The following TESC variants were observed in gnomAD, a reference collection of about 807,000 sequenced individuals.
TESC encodes the protein tescalcin.
TESC carries 19 observed loss-of-function variants against 31.0 expected under a neutral mutation model. That is an observed-to-expected ratio of 0.61 (90% CI 0.43 to 0.90). TESC has a LOEUF of 0.90. Among genes scored for constraint, TESC ranks in the 40% least tolerant of loss-of-function variants. The probability of loss-of-function intolerance (pLI) is 0.00; values close to 1 mark genes in which losing one functional copy is unlikely to be tolerated. For missense variants in TESC, 248 were observed against 303.8 expected, an observed-to-expected ratio of 0.82 and a Z score of 1.36; for synonymous variants, 109 against 114.8, an observed-to-expected ratio of 0.95 and a Z score of 0.32.
intron 1 of TESC, among the ~76,000 whole-genome samples, chr12:117,097,778 T>G (rs1330800175): frequency 1.3e-5 from 2 of 152,152 alleles, no homozygotes; most frequent in African/African-American, 4.8e-5. Flanking sequence ...CATTCGTACT[T>G]TCTGGTGGAT....
chr12:117,069,931 A>G (rs1954941829), intron 2 of TESC, among the ~76,000 whole-genome samples: 1 of 152,170 alleles, frequency 6.6e-6, no homozygotes, highest in African/African-American at 2.4e-5. Flanking sequence ...GGATCCTCAT[A>G]AGCACGTGGG....
chr12:117,049,171 C>T lies in TESC; in HGVS notation c.210-13G>A, dbSNP rs1399069512. ...CTTGCGCAGGTTCCTACGGGAGCAA[C>T]AAGGAGGGTGTTGGAAATAAATGAA... On this transcript the variant is annotated splice_polypyrimidine_tract_variant and intron_variant, in intron 3 of 7. Coordinates refer to ENST00000335209, the MANE Select transcript of TESC (RefSeq NM_017899.4). 3.7e-6 allele frequency: 6 copies of T among 1,614,038 alleles called. No homozygotes were observed. In the Admixed American group the frequency reaches 6.7e-5, roughly 18 times the overall value.
chr12:117,063,066 T>A lies in TESC; in HGVS notation c.129-6180A>T, dbSNP rs141216493. Reference sequence around the variant, plus strand: ...CCCCTGGAGTCATGAAGGGCTCGCGTGACATCAAGCTGTGCTAAGCACTGC... The same window carrying A: ...CCCCTGGAGTCATGAAGGGCTCGCGAGACATCAAGCTGTGCTAAGCACTGC... On this transcript the variant is annotated intron_variant, in intron 2 of 7. Coordinates refer to ENST00000335209, the MANE Select transcript of TESC (RefSeq NM_017899.4). Among the ~76,000 whole-genome samples, 221 of 152,294 alleles carry A rather than the reference T, an allele frequency of 1.5e-3. 2 individuals carry two copies. Among genetic ancestry groups the A allele is most frequent in the African/African-American group, 5.2e-3 (216 of 41,566 alleles).
chr12:117,076,679 A>G lies in TESC; in HGVS notation c.59-1339T>C, dbSNP rs1395715865. Reference sequence around the variant, plus strand: ...GGCTGGTCTTGAACTCCTGACCTTGAGTGATCCGCCCACCGCAGCCTCCCA... The same window carrying G: ...GGCTGGTCTTGAACTCCTGACCTTGGGTGATCCGCCCACCGCAGCCTCCCA... On this transcript the variant is annotated intron_variant, in intron 1 of 7. Transcript: ENST00000335209. Among the ~76,000 whole-genome samples, 8 of 152,106 alleles carry G rather than the reference A, an allele frequency of 5.3e-5. No individual in the cohort carries two copies. In the East Asian group the frequency reaches 1.5e-3, roughly 29 times the overall value.
rs375307922 is a variant in TESC at position 117,051,051 on chromosome 12, T to C, written c.210-1893A>G. 2.6e-5 allele frequency among the ~76,000 whole-genome samples: 4 copies of C among 152,202 alleles called. No homozygotes were observed. The South Asian group carries it at 8.3e-4, about 32-fold the overall frequency. On this transcript the variant is annotated intron_variant, in intron 3 of 7. Coordinates refer to ENST00000335209, the MANE Select transcript of TESC (RefSeq NM_017899.4). Reference sequence around the variant, plus strand: ...GAGGCTGCTGGGGCAGGCTGTCATATGGCTGGCAAGCTCAAGTTTCTGCCA... The same window carrying C: ...GAGGCTGCTGGGGCAGGCTGTCATACGGCTGGCAAGCTCAAGTTTCTGCCA...
At chr12:117,075,937 A>ATATATATATG (rs767382093) in intron 1 of TESC, among the ~76,000 whole-genome samples, 1,713 of 99,194 alleles carry the variant, frequency 0.017, 76 homozygotes, top group African/African-American at 0.038. Context: ...ATATATATAT[A>ATATATATATG]TATGTATATA....
chr12:117,057,226 G>A (rs528380528), intron 2 of TESC, among the ~76,000 whole-genome samples: 6 of 152,060 alleles, frequency 3.9e-5, no homozygotes, highest in African/African-American at 1.4e-4. Flanking sequence ...AGCCTCCCAA[G>A]TAGCTGGGAT....
intron 6 of TESC, 23 bp downstream of exon 6, chr12:117,046,536 G>C (rs199616514): frequency 6.5e-5 from 100 of 1,540,086 alleles, no homozygotes; most frequent in Non-Finnish European, 8.6e-5. Context: ...TGCGCGTCTC[G>C]GGAGGGCTGC....
chr12:117,076,363 A>C (rs527708845), intron 1 of TESC, among the ~76,000 whole-genome samples: 1 of 152,266 alleles, frequency 6.6e-6, no homozygotes, highest in East Asian at 1.9e-4. Context: ...CCCTGTCTCT[A>C]AAAAATGCAC....
chr12:117,050,984 C>T lies in TESC; in HGVS notation c.210-1826G>A, dbSNP rs983475797. Among the ~76,000 whole-genome samples, 9 of 152,322 alleles carry T rather than the reference C, an allele frequency of 5.9e-5. No individual in the cohort carries two copies. In the East Asian group the frequency reaches 7.7e-4, roughly 13 times the overall value. The stretch of plus-strand genomic sequence containing the variant: ...CAAACCCAAGCTCCTGACCCACTGT[C>T]GTCAAACCCTTATCTCTACTGGACT... On this transcript the variant is annotated intron_variant, in intron 3 of 7. Transcript: ENST00000335209.
At chr12:117,053,957 TA>T (rs1954685250) in intron 3 of TESC, 1 of 152,250 alleles carries the variant, frequency 6.6e-6, no homozygotes. Flanking sequence ...AACCAGGATT[TA>T]AAAGGAGGTG....
At chr12:117,055,738 G>A (rs182197335) in intron 3 of TESC, among the ~76,000 whole-genome samples, 1 of 152,194 alleles carries the variant, frequency 6.6e-6, no homozygotes, top group Non-Finnish European at 1.5e-5. Flanking sequence ...CAGCCACAAG[G>A]CTGAATCCGG....
chr12:117,044,497 G>A (rs1446304658), intron 6 of TESC, among the ~76,000 whole-genome samples: 1 of 152,194 alleles, frequency 6.6e-6, no homozygotes. Flanking sequence ...GGTGATCGGT[G>A]CAAGGAAGGA....
At chr12:117,049,241 C>A (rs574767106) in intron 3 of TESC, 83 bp from the exon 4 acceptor site, 1 of 1,580,818 alleles carries the variant, frequency 6.3e-7, no homozygotes, top group Non-Finnish European at 8.6e-7. Context: ...CCGAGAACTC[C>A]GCTCTCAGGG....
intron 1 of TESC, among the ~76,000 whole-genome samples, chr12:117,077,969 A>T (rs1005204820): frequency 6.6e-6 from 1 of 152,192 alleles, no homozygotes; most frequent in Non-Finnish European, 1.5e-5. Context: ...TAAAAAAAAA[A>T]TGTGTTATTC....
intron 1 of TESC, among the ~76,000 whole-genome samples, chr12:117,093,794 T>G (rs1955350006): frequency 4.6e-5 from 7 of 152,124 alleles, no homozygotes; most frequent in Admixed American, 3.3e-4. Context: ...TTTTTTTTTT[T>G]TTTCCTTTTC....
In TESC at chr12:117,046,621, A is replaced by G. The variant is rs1450476499; in HGVS notation, c.457T>C (p.Ser153Pro). 1.9e-6 allele frequency: 3 copies of G among 1,551,334 alleles called. No individual in the cohort carries two copies. Among genetic ancestry groups the G allele is most frequent in the Non-Finnish European group, 2.6e-6 (3 of 1,147,014 alleles). Residue 153 changes from serine (S) to proline (P), a missense_variant, in exon 6 of 8, where the codon TCC (serine) becomes CCC (proline). Physicochemically the swap from Ser to Pro is moderately conservative, Grantham distance 74. Coordinates refer to ENST00000335209, the MANE Select transcript of TESC (RefSeq NM_017899.4). ...GCCCCGTCGGCGATGGAGCGAGCGG[A>G]CTCCTTCTCGATGTGAGGGTTTCCC... The part of the protein sequence containing the change: ...LSGNPHIEKE[S>P]ARSIADGAMM...
intron 1 of TESC, among the ~76,000 whole-genome samples, chr12:117,089,888 G>T (rs551354994): frequency 6.6e-6 from 1 of 151,874 alleles, no homozygotes; most frequent in East Asian, 1.9e-4. Flanking sequence ...CCATTCCCAG[G>T]ATAAATAAAA....
chr12:117,050,123 T>C (rs930502114), intron 3 of TESC, among the ~76,000 whole-genome samples: 1 of 151,604 alleles, frequency 6.6e-6, no homozygotes, highest in Non-Finnish European at 1.5e-5. Context: ...TTTTAAATAG[T>C]TGAAAAAATG....
Sources: allele counts gnomAD v4.1 joint callset (sites outside exome capture counted in the v4.1 genomes callset), GRCh38; gene constraint gnomAD v4.1.1; transcripts MANE v1.5; gene names NCBI Gene and HGNC (gene_info 2026-07-23, HGNC 2026-07-21).